CDK14: variants seen among roughly 807,000 people sequenced by gnomAD.
CDK14 encodes cyclin dependent kinase 14, also known as cyclin-dependent kinase 14.
Under a neutral mutation model 60.7 loss-of-function variants are expected in CDK14, and 34 were observed. That is an observed-to-expected ratio of 0.56 (90% CI 0.43 to 0.75). The LOEUF is 0.75. CDK14 is among the 30% of genes least tolerant of loss of function. The probability of loss-of-function intolerance (pLI) is 0.00; values close to 1 mark genes in which losing one functional copy is unlikely to be tolerated. For synonymous variants in CDK14, 197 were observed against 203.7 expected (o/e 0.97, Z 0.28); for missense variants, 482 against 564.1 (o/e 0.85, Z 1.47).
At chr7:91,075,481 G>A (rs1057458015) in intron 11 of CDK14, among the ~76,000 whole-genome samples, 5 of 152,164 alleles carry the variant, frequency 3.3e-5, no homozygotes, top group Admixed American at 1.3e-4. Context: ...AATAATAAGA[G>A]CTATTTATGA....
intron 7 of CDK14, among the ~76,000 whole-genome samples, chr7:90,913,968 T>C (rs1321855176): frequency 1.3e-5 from 2 of 152,126 alleles, no homozygotes; most frequent in African/African-American, 4.8e-5. Context: ...ATTTTGAGGG[T>C]ATCAGTTTCT....
chr7:91,118,263 C>CTT (rs1448401524), intron 14 of CDK14, 55 bp downstream of exon 14: 2 of 804,890 alleles, frequency 2.5e-6, no homozygotes, highest in Non-Finnish European at 4.1e-6. Context: ...TGAACGGATT[C>CTT]TTTAAGTGAA....
intron 14 of CDK14, among the ~76,000 whole-genome samples, chr7:91,198,537 C>T (rs1002840422): frequency 6.6e-6 from 1 of 152,190 alleles, no homozygotes; most frequent in African/African-American, 2.4e-5. Context: ...CTTGGGCTTG[C>T]ATGCACTGTA....
chr7:90,596,775 C>G (rs1799195950), intron 1 of CDK14, 57 bp downstream of exon 1: 1 of 1,412,966 alleles, frequency 7.1e-7, no homozygotes. Context: ...GCCTGCGCCC[C>G]CGCCGCGTTC....
chr7:90,858,408 G>A (rs997139136), intron 5 of CDK14, among the ~76,000 whole-genome samples: 4 of 152,134 alleles, frequency 2.6e-5, no homozygotes, highest in South Asian at 2.1e-4. Flanking sequence ...GTGTCAAAGC[G>A]TCCTCTGGGT....
intron 14 of CDK14, among the ~76,000 whole-genome samples, chr7:91,160,721 A>C (rs527498812): frequency 2.0e-5 from 3 of 151,706 alleles, no homozygotes; most frequent in African/African-American, 7.3e-5. Context: ...CATGCTTGCT[A>C]TTTCCTTTTT....
chr7:90,770,300 G>A (rs891315174), intron 4 of CDK14, among the ~76,000 whole-genome samples: 1 of 152,174 alleles, frequency 6.6e-6, no homozygotes, highest in African/African-American at 2.4e-5. Flanking sequence ...AACTATAATA[G>A]TGAAGTCTTG....
intron 14 of CDK14, among the ~76,000 whole-genome samples, chr7:91,137,706 GTGTGTGTGTA>G (rs1423007758): frequency 0.042 from 6,236 of 147,386 alleles, 424 homozygotes; most frequent in African/African-American, 0.14. Flanking sequence ...GTGTGTGTGT[GTGTGTGTGTA>G]TGTGTGTGTG....
At chr7:91,015,622 G>C (rs1313557255) in intron 10 of CDK14, among the ~76,000 whole-genome samples, 1 of 145,084 alleles carries the variant, frequency 6.9e-6, no homozygotes, top group East Asian at 2.1e-4. Context: ...CCGCCTCCCG[G>C]GTTCAAGCCA....
At chr7:91,120,816 C>T (rs1014773121) in intron 14 of CDK14, among the ~76,000 whole-genome samples, 6 of 152,142 alleles carry the variant, frequency 3.9e-5, no homozygotes, top group East Asian at 2.0e-4. Context: ...GGATTACAGG[C>T]GTGAGTCACC....
chr7:90,700,078 GA>G (rs926481692), intron 2 of CDK14, among the ~76,000 whole-genome samples: 44 of 152,080 alleles, frequency 2.9e-4, no homozygotes, highest in African/African-American at 9.9e-4. Flanking sequence ...AACATAGGTG[GA>G]AAAAAAGTTT....
chr7:91,012,182 G>C (rs1189033044), intron 10 of CDK14, among the ~76,000 whole-genome samples: 1 of 152,110 alleles, frequency 6.6e-6, no homozygotes, highest in Non-Finnish European at 1.5e-5. Context: ...AAATTTTTCT[G>C]CACTACTGAA....
intron 5 of CDK14, among the ~76,000 whole-genome samples, chr7:90,813,518 T>C (rs13224995): frequency 0.21 from 31,201 of 152,000 alleles, 3,342 homozygotes; most frequent in South Asian, 0.24. Context: ...GAGGCTGAAG[T>C]GGGTGGATCA....
At chr7:90,992,415 G>A (rs575143892) in intron 10 of CDK14, among the ~76,000 whole-genome samples, 8 of 152,164 alleles carry the variant, frequency 5.3e-5, no homozygotes, top group African/African-American at 1.7e-4. Context: ...TATTTATTAC[G>A]TGCTTACTCT....
chr7:90,851,299 A>T (rs565649146), intron 5 of CDK14, among the ~76,000 whole-genome samples: 1 of 152,146 alleles, frequency 6.6e-6, no homozygotes, highest in Admixed American at 6.6e-5. Context: ...CACCCTGTGT[A>T]TCAGTCAAAT....
At chr7:91,032,285 A>G (rs771482559) in intron 10 of CDK14, among the ~76,000 whole-genome samples, 23 of 152,186 alleles carry the variant, frequency 1.5e-4, no homozygotes, top group Non-Finnish European at 3.1e-4. Context: ...TACTTCATAT[A>G]CCTTATATGT....
At chr7:90,929,929 G>C (rs908889666) in intron 8 of CDK14, among the ~76,000 whole-genome samples, 1 of 152,142 alleles carries the variant, frequency 6.6e-6, no homozygotes, top group Non-Finnish European at 1.5e-5. Context: ...TGTCTCTTAA[G>C]GGTAGTTCTT....
At chr7:91,178,613 A>AG in intron 14 of CDK14, among the ~76,000 whole-genome samples, 1 of 152,252 alleles carries the variant, frequency 6.6e-6, no homozygotes, top group East Asian at 1.9e-4. Context: ...ACAAATTTAC[A>AG]GGAAAAAAAC....
At chr7:91,106,874 A>C (rs1353138449) in intron 12 of CDK14, among the ~76,000 whole-genome samples, 1 of 152,202 alleles carries the variant, frequency 6.6e-6, no homozygotes, top group African/African-American at 2.4e-5. Context: ...ATGCATTTGC[A>C]AAGTTTCTGA....
Sources: allele counts gnomAD v4.1 joint callset (sites outside exome capture counted in the v4.1 genomes callset), GRCh38; gene constraint gnomAD v4.1.1; transcripts MANE v1.5; gene names NCBI Gene and HGNC (gene_info 2026-07-23, HGNC 2026-07-21).